The following ARHGAP15 variants were observed in gnomAD, a reference collection of about 807,000 sequenced individuals.
ARHGAP15 encodes the protein Rho GTPase activating protein 15.
In ARHGAP15, 51 loss-of-function variants were observed where a neutral mutation model predicts 63.7. The ratio of observed to expected loss-of-function variants is 0.80; its 90% CI spans 0.64 to 1.01. ARHGAP15 has a LOEUF of 1.01. ARHGAP15 is among the 50% of genes least tolerant of loss of function. ARHGAP15 has a pLI of 0.00. For missense variants in ARHGAP15, 560 were observed against 564.6 expected (o/e 0.99, Z 0.08); for synonymous variants, 191 against 193.8 (o/e 0.99, Z 0.12).
At chr2:143,276,771 C>T (rs1484980953) in intron 6 of ARHGAP15, among the ~76,000 whole-genome samples, 2 of 152,112 alleles carry the variant, frequency 1.3e-5, no homozygotes, top group African/African-American at 2.4e-5. Context: ...CACACTCCAG[C>T]CTTGGTGACA....
intron 6 of ARHGAP15, among the ~76,000 whole-genome samples, chr2:143,282,955 G>A (rs1236680465): frequency 6.6e-6 from 1 of 152,174 alleles, no homozygotes; most frequent in Non-Finnish European, 1.5e-5. Context: ...TCCTTGTTGG[G>A]AGTAGATCAT....
chr2:143,726,720 A>C (rs1685295954), intron 13 of ARHGAP15, among the ~76,000 whole-genome samples: 2 of 152,262 alleles, frequency 1.3e-5, no homozygotes, highest in South Asian at 4.1e-4. Flanking sequence ...AATATTTCAC[A>C]TGTAACGTAC....
rs181583802 is a variant in ARHGAP15 at position 143,432,637 on chromosome 2, G to A, written c.475-2964G>A. Among the ~76,000 whole-genome samples the A allele has an allele frequency of 2.1e-3, 320 of 152,112 alleles. 2 individuals carry two copies. The highest frequency in any genetic ancestry group is 7.2e-3 in the African/African-American group (301 of 41,528). ...ACTCTGCATGTTGCTCAGTGGACAC[G>A]CTTCTATAATTTCCTGGGCATAAAT... On this transcript the variant is annotated intron_variant, in intron 6 of 13. Transcript: ENST00000295095.
intron 12 of ARHGAP15, among the ~76,000 whole-genome samples, chr2:143,673,900 C>T (rs1266583682): frequency 2.7e-5 from 4 of 150,068 alleles, no homozygotes; most frequent in Admixed American, 2.0e-4. Context: ...TGAAAAGTTT[C>T]TTGATATTAA....
chr2:143,203,503 G>A (rs922202365), intron 3 of ARHGAP15, among the ~76,000 whole-genome samples: 1 of 152,034 alleles, frequency 6.6e-6, no homozygotes, highest in African/African-American at 2.4e-5. Context: ...CTCTCTTCTT[G>A]AATCAATTGC....
chr2:143,432,539 G>A (rs1689433517), intron 6 of ARHGAP15, among the ~76,000 whole-genome samples: 1 of 151,972 alleles, frequency 6.6e-6, no homozygotes, highest in Admixed American at 6.6e-5. Context: ...ACCGTACCAA[G>A]GACACAGACT....
intron 9 of ARHGAP15, among the ~76,000 whole-genome samples, chr2:143,503,623 T>G (rs1693173563): frequency 6.6e-6 from 1 of 152,254 alleles, no homozygotes; most frequent in Non-Finnish European, 1.5e-5. Flanking sequence ...TTCACCTGAC[T>G]GCAGAGAACA....
chr2:143,670,268 C>T (rs1159511758), intron 12 of ARHGAP15, among the ~76,000 whole-genome samples: 1 of 152,082 alleles, frequency 6.6e-6, no homozygotes, highest in Non-Finnish European at 1.5e-5. Context: ...AAGACCTCAC[C>T]TGTTTCTCTG....
intron 8 of ARHGAP15, among the ~76,000 whole-genome samples, chr2:143,452,618 C>A (rs1206000386): frequency 6.6e-6 from 1 of 150,822 alleles, no homozygotes; most frequent in Non-Finnish European, 1.5e-5. Flanking sequence ...TGCTGAGGTG[C>A]ACCCTTGTAG....
At chr2:143,524,813 G>A (rs1018962159) in intron 10 of ARHGAP15, among the ~76,000 whole-genome samples, 1 of 152,168 alleles carries the variant, frequency 6.6e-6, no homozygotes, top group Non-Finnish European at 1.5e-5. Flanking sequence ...ATAAATACAT[G>A]AATATTTGCC....
At chr2:143,380,284 C>T (rs1312494966) in intron 6 of ARHGAP15, among the ~76,000 whole-genome samples, 2 of 152,122 alleles carry the variant, frequency 1.3e-5, no homozygotes, top group South Asian at 4.1e-4. Context: ...AACATTTGGG[C>T]TGACCATGGG....
chr2:143,350,977 T>C (rs140732212), intron 6 of ARHGAP15: 12 of 151,576 alleles, frequency 7.9e-5, no homozygotes, highest in African/African-American at 2.9e-4. Context: ...TCTATTATAG[T>C]ATGTAAGTAA....
At chr2:143,559,328 C>T (rs559729936) in intron 11 of ARHGAP15, among the ~76,000 whole-genome samples, 11 of 152,312 alleles carry the variant, frequency 7.2e-5, no homozygotes, top group African/African-American at 2.6e-4. Flanking sequence ...CAAACTTCAG[C>T]GTCCTCTGAG....
intron 6 of ARHGAP15, among the ~76,000 whole-genome samples, chr2:143,373,413 G>A (rs1166775693): frequency 1.3e-5 from 2 of 151,928 alleles, no homozygotes; most frequent in African/African-American, 4.8e-5. Flanking sequence ...GGTGGATCAC[G>A]AGGTCAGGAG....
intron 6 of ARHGAP15, among the ~76,000 whole-genome samples, chr2:143,346,369 C>T (rs1685301941): frequency 6.6e-6 from 1 of 151,932 alleles, no homozygotes; most frequent in South Asian, 2.1e-4. Context: ...CTGGTCTTTC[C>T]ATCTTTGAAA....
chr2:143,296,881 T>C (rs532034637), intron 6 of ARHGAP15, among the ~76,000 whole-genome samples: 1 of 151,974 alleles, frequency 6.6e-6, no homozygotes, highest in South Asian at 2.1e-4. Context: ...TAAGTTCTTA[T>C]CATTTAGCTC....
chr2:143,715,836 A>G (rs768686560), intron 13 of ARHGAP15, among the ~76,000 whole-genome samples: 38 of 152,210 alleles, frequency 2.5e-4, no homozygotes, highest in Non-Finnish European at 4.7e-4. Flanking sequence ...ATTTTCTTCT[A>G]TGGTTTTTAT....
At chr2:143,652,974 C>G (rs1323832033) in intron 12 of ARHGAP15, among the ~76,000 whole-genome samples, 1 of 151,934 alleles carries the variant, frequency 6.6e-6, no homozygotes, top group African/African-American at 2.4e-5. Flanking sequence ...ACATTTCTGT[C>G]CTGTTCTCTT....
chr2:143,198,173 G>C (rs565460176), intron 2 of ARHGAP15, among the ~76,000 whole-genome samples: 1 of 152,144 alleles, frequency 6.6e-6, no homozygotes, highest in African/African-American at 2.4e-5. Flanking sequence ...GTTTGGGTGA[G>C]AATTAAACAT....
Sources: gnomAD v4.1 joint callset for allele counts (sites outside exome capture counted in the v4.1 genomes callset) on GRCh38, gnomAD v4.1.1 for gene constraint, MANE v1.5 for transcripts, NCBI Gene and HGNC (gene_info 2026-07-23, HGNC 2026-07-21) for gene names.